Variants in DMD observed in about 807,000 individuals in gnomAD.
DMD encodes the protein dystrophin, also known as mutant dystrophin.
A neutral mutation model predicts 330.1 loss-of-function variants in DMD; 63 were observed. That is an observed-to-expected ratio of 0.19 (90% CI 0.16 to 0.24). DMD has a LOEUF of 0.24. Among genes scored for constraint, DMD ranks in the 10% least tolerant of loss-of-function variants. The probability of loss-of-function intolerance (pLI) is 1.00; values close to 1 mark genes in which losing one functional copy is unlikely to be tolerated. For synonymous variants in DMD, 1,223 were observed against 959.8 expected, an observed-to-expected ratio of 1.27 and a Z score of -5.07; for missense variants, 3,344 against 2,684.1, an observed-to-expected ratio of 1.25 and a Z score of -5.43.
At chrX:31,333,102 G>A (rs1336576913) in intron 61 of DMD, among the ~76,000 whole-genome samples, 3 of 111,575 alleles carry the variant, frequency 2.7e-5, no homozygotes, top group Non-Finnish European at 3.8e-5. Flanking sequence ...CATGAACGGA[G>A]ACAAATCTTC....
At chrX:31,504,271 C>T (rs927873526) in intron 56 of DMD, among the ~76,000 whole-genome samples, 4 of 111,193 alleles carry the variant, frequency 3.6e-5, no homozygotes, top group South Asian at 7.6e-4. Context: ...GGAAGGAAAA[C>T]GATACAATAT....
At chrX:33,201,337 G>A (rs1175532890) in intron 1 of DMD, among the ~76,000 whole-genome samples, 1 of 111,418 alleles carries the variant, frequency 9.0e-6, no homozygotes, top group Non-Finnish European at 1.9e-5. Context: ...GTTCCATCAC[G>A]ATCTCTGACA....
intron 7 of DMD, among the ~76,000 whole-genome samples, chrX:32,772,019 A>G (rs2073664855): frequency 8.9e-6 from 1 of 112,045 alleles, no homozygotes; most frequent in Non-Finnish European, 1.9e-5. Context: ...ATAGAAGGAA[A>G]CACCTGAAAC....
chrX:32,162,615 T>C (rs1238659706), intron 44 of DMD, among the ~76,000 whole-genome samples: 1 of 94,559 alleles, frequency 1.1e-5, no homozygotes, highest in Non-Finnish European at 2.0e-5. Context: ...TTTTTTTTTT[T>C]TGAGGCGGAG....
intron 2 of DMD, among the ~76,000 whole-genome samples, chrX:32,859,038 G>T (rs2081844577): frequency 1.8e-5 from 2 of 111,309 alleles, no homozygotes; most frequent in Non-Finnish European, 3.8e-5. Flanking sequence ...ACTCCCGTGA[G>T]GTTCAACTGC....
In DMD at chrX:32,683,996, A is replaced by AACACAC. The variant is rs751597257; in HGVS notation, c.960+13868_960+13873dup. Among the ~76,000 whole-genome samples, 214 of 100,528 alleles carry AACACAC rather than the reference A, an allele frequency of 2.1e-3. 2 individuals carry two copies. Among genetic ancestry groups the AACACAC allele is most frequent in the African/African-American group, 7.7e-3 (206 of 26,902 alleles). 87.3% of individuals were successfully genotyped at this position (100,528 alleles called of 115,157 possible). A position where few individuals can be genotyped will look rare whatever the true frequency, so the allele number is the denominator to read the frequency against. On this transcript the variant is annotated intron_variant, in intron 9 of 78. Coordinates refer to ENST00000357033, the MANE Select transcript of DMD (RefSeq NM_004006.3). ...AAGTGAAATGTTATAGCACATACAA[A>AACACAC]ACACACACACACACACATACATACA...
At chrX:31,257,751 C>T (rs2050110625) in intron 63 of DMD, among the ~76,000 whole-genome samples, 1 of 111,816 alleles carries the variant, frequency 8.9e-6, no homozygotes, top group Non-Finnish European at 1.9e-5. Flanking sequence ...TCGAGACCAG[C>T]CTAGCCAACA....
intron 43 of DMD, among the ~76,000 whole-genome samples, chrX:32,233,634 TATTTATTTATTTATTG>T (rs2097177136): frequency 2.8e-5 from 3 of 105,759 alleles, no homozygotes; most frequent in African/African-American, 1.0e-4. Flanking sequence ...TTTATTTATT[TATTTATTTATTTATTG>T]AGACGGAGCT....
At chrX:31,243,760 G>A in intron 63 of DMD, among the ~76,000 whole-genome samples, 1 of 112,553 alleles carries the variant, frequency 8.9e-6, no homozygotes, top group East Asian at 2.8e-4. Context: ...TTCAGGCAGT[G>A]CATTCCAAGA....
rs201740582 is a variant in DMD at position 33,009,404 on chromosome X, G to GTA, written c.93+10734_93+10735insTA. 6.1e-3 allele frequency among the ~76,000 whole-genome samples: 547 copies of GTA among 88,961 alleles called. 128 individuals are homozygous for GTA. The highest frequency in any genetic ancestry group is 0.022 in the African/African-American group (501 of 22,537). The allele number at this position is 88,961 out of a possible 115,157, so 77.3% of individuals were successfully genotyped here. A position where few individuals can be genotyped will look rare whatever the true frequency, so the allele number is the denominator to read the frequency against. On this transcript the variant is annotated intron_variant, in intron 2 of 78. Transcript: ENST00000357033. ...TACACGTGTATATATGTGTGTATAT[G>GTA]TGTATATACACATGTGTGTATATGT...
chrX:31,217,298 A>C (rs1019920695), intron 64 of DMD, among the ~76,000 whole-genome samples: 2 of 112,108 alleles, frequency 1.8e-5, no homozygotes, highest in African/African-American at 6.5e-5. Flanking sequence ...GGAGTCATGC[A>C]ACACTTAACT....
intron 74 of DMD, among the ~76,000 whole-genome samples, chrX:31,152,070 G>C (rs997504792): frequency 9.0e-6 from 1 of 111,714 alleles, no homozygotes; most frequent in Non-Finnish European, 1.9e-5. Flanking sequence ...TCAATGACTA[G>C]TTTTTTTGGC....
chrX:31,676,428 TTTA>T (rs2082082847), intron 53 of DMD, among the ~76,000 whole-genome samples: 3 of 112,762 alleles, frequency 2.7e-5, no homozygotes, highest in South Asian at 7.3e-4. Context: ...CAATTATTGT[TTTA>T]TTTTTTCATC....
intron 2 of DMD, 137 bp downstream of exon 2, chrX:33,020,002 A>G: frequency 2.2e-6 from 1 of 455,155 alleles, no homozygotes; most frequent in Non-Finnish European, 3.8e-6. Context: ...TGAACATAAT[A>G]TTTCCAGATT....
chrX:32,433,353 C>T (rs1177256009), intron 29 of DMD, among the ~76,000 whole-genome samples: 1 of 111,678 alleles, frequency 9.0e-6, no homozygotes, highest in Non-Finnish European at 1.9e-5. Context: ...CCTTTAATAT[C>T]CTTTCAATTT....
chrX:32,799,488 C>T (rs111249663), intron 7 of DMD, among the ~76,000 whole-genome samples: 2,722 of 110,979 alleles, frequency 0.025, 77 homozygotes, highest in African/African-American at 0.081. Flanking sequence ...CTAGAACAGG[C>T]GCAATCTTTT....
intron 7 of DMD, among the ~76,000 whole-genome samples, chrX:32,736,591 A>C (rs1419413015): frequency 9.0e-6 from 1 of 111,099 alleles, no homozygotes; most frequent in Non-Finnish European, 1.9e-5. Flanking sequence ...CGGCCATAAA[A>C]AATGATGAGT....
At chrX:33,153,186 G>A (rs928055494) in intron 1 of DMD, among the ~76,000 whole-genome samples, 5 of 112,738 alleles carry the variant, frequency 4.4e-5, no homozygotes, top group African/African-American at 6.4e-5. Context: ...CGAGGCAGGC[G>A]GATCACCTAA....
At chrX:31,879,756 G>A (rs775934213) in intron 47 of DMD, among the ~76,000 whole-genome samples, 3 of 111,321 alleles carry the variant, frequency 2.7e-5, no homozygotes, top group Non-Finnish European at 5.7e-5. Flanking sequence ...AATACTTCAC[G>A]GAAAAATATA....
Sources: allele counts gnomAD v4.1 joint callset (sites outside exome capture counted in the v4.1 genomes callset), GRCh38; gene constraint gnomAD v4.1.1; transcripts MANE v1.5; gene names NCBI Gene and HGNC (gene_info 2026-07-23, HGNC 2026-07-21).